EYS: variants seen among roughly 807,000 people sequenced by gnomAD.
EYS encodes protein eyes shut homolog.
A neutral mutation model predicts 282.1 loss-of-function variants in EYS; 250 were observed. That is an observed-to-expected ratio of 0.89 (90% CI 0.80 to 0.98). The LOEUF (loss-of-function observed/expected upper bound fraction) is 0.98, where lower values mean the gene tolerates loss of function less well. EYS is among the 50% of genes least tolerant of loss of function. The pLI is 0.00. For synonymous variants in EYS, 1,355 were observed against 1,282.9 expected (o/e 1.06, Z -1.20); for missense variants, 4,016 against 3,709.0 (o/e 1.08, Z -2.15).
chr6:63,957,757 C>G (rs1451447127), intron 35 of EYS, among the ~76,000 whole-genome samples: 1 of 140,744 alleles, frequency 7.1e-6, no homozygotes, highest in African/African-American at 2.4e-5. Context: ...ACTGCTCTCT[C>G]TGATGCCAAA....
intron 35 of EYS, among the ~76,000 whole-genome samples, chr6:63,924,667 T>C (rs1764666793): frequency 6.6e-6 from 1 of 152,166 alleles, no homozygotes. Flanking sequence ...CTCAGATTCC[T>C]GATGTGTAAA....
chr6:65,246,000 C>T (rs1230968727), intron 12 of EYS, among the ~76,000 whole-genome samples: 1 of 152,052 alleles, frequency 6.6e-6, no homozygotes, highest in Non-Finnish European at 1.5e-5. Context: ...TTTCTATTTT[C>T]CTTATATTCC....
At chr6:65,180,762 C>A (rs1427055277) in intron 12 of EYS, among the ~76,000 whole-genome samples, 1 of 152,002 alleles carries the variant, frequency 6.6e-6, no homozygotes, top group Admixed American at 6.6e-5. Flanking sequence ...AATCCTAAGC[C>A]AAAAGAACAA....
chr6:63,877,844 A>T (rs929065492), intron 35 of EYS, among the ~76,000 whole-genome samples: 1 of 152,032 alleles, frequency 6.6e-6, no homozygotes, highest in Non-Finnish European at 1.5e-5. Flanking sequence ...TCTTCTCTAC[A>T]CTGTTTATTC....
chr6:63,946,661 G>A (rs1443795049), intron 35 of EYS, among the ~76,000 whole-genome samples: 1 of 150,922 alleles, frequency 6.6e-6, no homozygotes, highest in Non-Finnish European at 1.5e-5. Flanking sequence ...AGTAAACAGA[G>A]TAAAATATAT....
chr6:64,924,947 A>G (rs77722924), intron 15 of EYS, among the ~76,000 whole-genome samples: 3 of 152,102 alleles, frequency 2.0e-5, no homozygotes, highest in Non-Finnish European at 2.9e-5. Context: ...ACCTCTGACT[A>G]TTACCCAGTT....
At chr6:64,519,966 G>A (rs1376627418) in intron 26 of EYS, among the ~76,000 whole-genome samples, 2 of 151,674 alleles carry the variant, frequency 1.3e-5, no homozygotes, top group African/African-American at 4.8e-5. Context: ...ATGAAAAGAG[G>A]GTTGAATTTA....
intron 22 of EYS, among the ~76,000 whole-genome samples, chr6:64,770,110 GA>G (rs1773479335): frequency 6.6e-6 from 1 of 151,874 alleles, no homozygotes; most frequent in Admixed American, 6.6e-5. Context: ...CTGCTTAGTA[GA>G]TTCTAGAAAT....
At chr6:65,117,839 G>C (rs1775421983) in intron 12 of EYS, among the ~76,000 whole-genome samples, 2 of 152,170 alleles carry the variant, frequency 1.3e-5, no homozygotes. Flanking sequence ...CCTAGAGATA[G>C]AGCTATGACT....
At chr6:65,500,155 A>G (rs1252528802) in intron 2 of EYS, among the ~76,000 whole-genome samples, 1 of 151,978 alleles carries the variant, frequency 6.6e-6, no homozygotes, top group African/African-American at 2.4e-5. Context: ...CATCTCATAC[A>G]CAAATGCACA....
intron 22 of EYS, among the ~76,000 whole-genome samples, chr6:64,793,095 A>G (rs187230172): frequency 7.3e-4 from 111 of 152,190 alleles, no homozygotes; most frequent in African/African-American, 2.2e-3. Context: ...TTGTCACTGT[A>G]TGACTTTAGA....
chr6:65,509,120 A>G (rs2127285544), intron 2 of EYS, among the ~76,000 whole-genome samples: 1 of 152,360 alleles, frequency 6.6e-6, no homozygotes, highest in Non-Finnish European at 1.5e-5. Flanking sequence ...GTAACGTACT[A>G]TAAACAGAAA....
chr6:64,217,779 C>T (rs771468278), intron 31 of EYS, among the ~76,000 whole-genome samples: 3 of 152,016 alleles, frequency 2.0e-5, no homozygotes, highest in Non-Finnish European at 2.9e-5. Context: ...GCCTAGCTAC[C>T]ATCTCCCCAA....
At position 65,020,379 on chromosome 6, in the gene EYS, C is replaced by A. The variant is rs1421760449; in HGVS notation, c.2138-22676G>T. Among the ~76,000 whole-genome samples, 3 of 152,256 alleles carry A rather than the reference C, an allele frequency of 2.0e-5. No homozygotes were observed. The East Asian group carries it at 5.8e-4, about 29-fold the overall frequency. On this transcript the variant is annotated intron_variant, in intron 13 of 42. Coordinates refer to ENST00000503581, the MANE Select transcript of EYS (RefSeq NM_001142800.2). The stretch of plus-strand genomic sequence containing the variant: ...GAAATTAACCAAAACATAGAGGCCA[C>A]AGGCCCCATGGAAGTCTGAAATCCA...
At chr6:64,910,556 C>T (rs1416625261) in intron 16 of EYS, among the ~76,000 whole-genome samples, 3 of 151,992 alleles carry the variant, frequency 2.0e-5, no homozygotes, top group Non-Finnish European at 4.4e-5. Context: ...AAGGAATAAA[C>T]ACATAATTCA....
At chr6:64,522,216 C>G (rs974709012) in intron 26 of EYS, among the ~76,000 whole-genome samples, 1 of 151,632 alleles carries the variant, frequency 6.6e-6, no homozygotes, top group African/African-American at 2.4e-5. Context: ...GTTGGTAATG[C>G]TTATTATATG....
At chr6:63,727,598 C>T (rs1034831828) in intron 41 of EYS, among the ~76,000 whole-genome samples, 5 of 142,592 alleles carry the variant, frequency 3.5e-5, no homozygotes, top group Non-Finnish European at 7.5e-5. Context: ...AGGCTGGGCA[C>T]GGTGGCTCAC....
At chr6:65,402,405 C>T in intron 7 of EYS, 73 bp downstream of exon 7, 1 of 1,065,922 alleles carries the variant, frequency 9.4e-7, no homozygotes, top group Non-Finnish European at 1.4e-6. Flanking sequence ...ACCAGAACAT[C>T]ATTATATTTT....
intron 12 of EYS, among the ~76,000 whole-genome samples, chr6:65,151,962 T>C (rs1325511373): frequency 6.6e-6 from 1 of 151,984 alleles, no homozygotes; most frequent in East Asian, 1.9e-4. Flanking sequence ...TTAACCTAAA[T>C]GACATTTGTA....
Sources: allele counts gnomAD v4.1 joint callset (sites outside exome capture counted in the v4.1 genomes callset), GRCh38; gene constraint gnomAD v4.1.1; transcripts MANE v1.5; gene names NCBI Gene and HGNC (gene_info 2026-07-23, HGNC 2026-07-21).